Variants in SPIRE2 observed in about 807,000 individuals in gnomAD.
SPIRE2 encodes spire type actin nucleation factor 2, also known as protein spire homolog 2.
A neutral mutation model predicts 80.7 loss-of-function variants in SPIRE2; 76 were observed. The observed-to-expected ratio is 0.94, with a 90% CI of 0.78 to 1.14. The LOEUF (loss-of-function observed/expected upper bound fraction) is 1.14. Ranked by LOEUF, SPIRE2 falls within the 50% of genes most tolerant of loss-of-function variation. The pLI is 0.00. For missense variants in SPIRE2, 1,196 were observed against 1,015.3 expected, an observed-to-expected ratio of 1.18 and a Z score of -2.42; for synonymous variants, 535 against 432.6, an observed-to-expected ratio of 1.24 and a Z score of -2.94.
intron 12 of SPIRE2, 134 bp from the exon 13 acceptor site, chr16:89,868,055 C>A: frequency 1.1e-6 from 1 of 951,814 alleles, no homozygotes; most frequent in Non-Finnish European, 1.7e-6. Flanking sequence ...AAATAAAGTA[C>A]TGAAGTAACC....
At chr16:89,858,656 G>A (rs35867359) in intron 8 of SPIRE2, 149 bp downstream of exon 8, 2 of 766,558 alleles carry the variant, frequency 2.6e-6, no homozygotes, top group Non-Finnish European at 3.9e-6. Flanking sequence ...TCCTGCCGTA[G>A]GAGGAGGCCT....
At chr16:89,832,774 C>G (rs1238701908) in intron 1 of SPIRE2, among the ~76,000 whole-genome samples, 2 of 152,134 alleles carry the variant, frequency 1.3e-5, no homozygotes, top group Non-Finnish European at 2.9e-5. Flanking sequence ...CTGAGCAGTG[C>G]CCTTCCATGC....
At chr16:89,868,242 G>C in intron 13 of SPIRE2, 26 bp downstream of exon 13, 1 of 1,613,720 alleles carries the variant, frequency 6.2e-7, no homozygotes, top group South Asian at 1.1e-5. Flanking sequence ...GATCTCTGGG[G>C]TCTGAGCAAG....
intron 5 of SPIRE2, 45 bp from the exon 6 acceptor site, chr16:89,855,555 G>C (rs961565961): frequency 5.7e-6 from 9 of 1,571,736 alleles, no homozygotes; most frequent in Non-Finnish European, 7.0e-6. Flanking sequence ...CCCTGCACTA[G>C]TGGATGGTCC....
At chr16:89,848,703 A>G (rs111307940) in intron 2 of SPIRE2, among the ~76,000 whole-genome samples, 21 of 125,174 alleles carry the variant, frequency 1.7e-4, no homozygotes, top group Non-Finnish European at 1.8e-4. Context: ...GGCCTTCTGC[A>G]GTGTTTCTAC....
chr16:89,850,752 G>A (rs1385556251), intron 3 of SPIRE2, 92 bp downstream of exon 3: 2 of 970,536 alleles, frequency 2.1e-6, no homozygotes, highest in Non-Finnish European at 2.9e-6. Context: ...GTCTCTTCGT[G>A]GACAGAAAGT....
intron 1 of SPIRE2, 130 bp from the exon 2 acceptor site, chr16:89,845,192 T>G: frequency 2.0e-5 from 17 of 840,270 alleles, no homozygotes; most frequent in Non-Finnish European, 3.2e-5. Flanking sequence ...GGGCCTGCTG[T>G]GAGCTTTCTG....
intron 6 of SPIRE2, 84 bp from the exon 7 acceptor site, chr16:89,856,029 A>G (rs1462410778): frequency 5.2e-5 from 81 of 1,557,938 alleles, no homozygotes; most frequent in East Asian, 4.9e-4. Context: ...CTTCCCCACC[A>G]CAGGTCCCGC....
At chr16:89,845,708 G>T in intron 2 of SPIRE2, 1 of 649,056 alleles carries the variant, frequency 1.5e-6, no homozygotes, top group Non-Finnish European at 2.8e-6. Context: ...GACTTCAGGT[G>T]CAAACAGGAA....
At chr16:89,829,829 C>A (rs1404533609) in intron 1 of SPIRE2, among the ~76,000 whole-genome samples, 1 of 151,464 alleles carries the variant, frequency 6.6e-6, no homozygotes, top group Non-Finnish European at 1.5e-5. Context: ...CAGGCTTGCG[C>A]TGGCACTCAG....
intron 2 of SPIRE2, among the ~76,000 whole-genome samples, chr16:89,848,695 C>A (rs967909131): frequency 2.0e-5 from 3 of 148,688 alleles, no homozygotes; most frequent in African/African-American, 7.5e-5. Flanking sequence ...GGTTCCAGGG[C>A]CTTCTGCAGT....
Position 89,864,608 on chromosome 16 carries a change from TCGGTTTCCAC to T in SPIRE2, c.1778+751_1778+760del, listed in dbSNP as rs1279536612. Among the ~76,000 whole-genome samples the T allele has an allele frequency of 3.9e-5, 6 of 152,196 alleles. No individual in the cohort carries two copies. The South Asian group carries it at 1.2e-3, about 31-fold the overall frequency. On this transcript the variant is annotated intron_variant, in intron 12 of 14. Transcript: ENST00000378247. ...TGCTCAGGGGCAGGAATGAGTAACA[TCGGTTTCCAC>T]CGGCCACAGGCAGAAATGTCATAAT...
chr16:89,850,210 T>G (rs780153284), intron 2 of SPIRE2, 94 bp from the exon 3 acceptor site: 2 of 1,017,622 alleles, frequency 2.0e-6, no homozygotes, highest in African/African-American at 3.2e-5. Context: ...GCTGTCTCCC[T>G]GGCCGGGTGC....
chr16:89,835,894 G>A (rs899983795), intron 1 of SPIRE2, among the ~76,000 whole-genome samples: 1 of 152,156 alleles, frequency 6.6e-6, no homozygotes, highest in Non-Finnish European at 1.5e-5. Context: ...GAGTGTATGG[G>A]CCAGGTGTGG....
chr16:89,853,888 A>T (rs907103292), intron 3 of SPIRE2, among the ~76,000 whole-genome samples: 4 of 152,180 alleles, frequency 2.6e-5, no homozygotes, highest in African/African-American at 9.7e-5. Context: ...CCACCTGTCC[A>T]CCACGTATCC....
At position 89,854,770 on chromosome 16, in the gene SPIRE2, G is replaced by T. The variant is rs1013063572; in HGVS notation, c.891+119G>T. 6 of 1,108,022 alleles carry T rather than the reference G, an allele frequency of 5.4e-6. No individual in the cohort carries two copies. In the Admixed American group the frequency reaches 1.3e-4, roughly 24 times the overall value. 68.6% of individuals were successfully genotyped at this position (1,108,022 alleles called of 1,614,324 possible). Reference sequence around the variant, plus strand: ...CCCCAGAGAGCGGCCCAGGGTCCCTGCTCTCTGTGCTGGGTACTGGGTCAT... The same window carrying T: ...CCCCAGAGAGCGGCCCAGGGTCCCTTCTCTCTGTGCTGGGTACTGGGTCAT... On this transcript the variant is annotated intron_variant, in intron 5 of 14. Transcript: ENST00000378247.
chr16:89,861,011 C>T (rs531868988), intron 10 of SPIRE2, among the ~76,000 whole-genome samples: 28 of 152,222 alleles, frequency 1.8e-4, no homozygotes, highest in Middle Eastern at 3.4e-3. Context: ...TGGGGCCGAA[C>T]CGCACTGCAC....
At chr16:89,837,799 G>T (rs562916798) in intron 1 of SPIRE2, among the ~76,000 whole-genome samples, 1 of 152,296 alleles carries the variant, frequency 6.6e-6, no homozygotes, top group East Asian at 1.9e-4. Context: ...TTTATGGAAC[G>T]AGTGGGTTGG....
chr16:89,867,701 C>G (rs1274058173), intron 12 of SPIRE2, among the ~76,000 whole-genome samples: 2 of 151,856 alleles, frequency 1.3e-5, no homozygotes, highest in Non-Finnish European at 2.9e-5. Flanking sequence ...TCTCCTATCT[C>G]AGCCCCCCAA....
Sources: gnomAD v4.1 joint callset for allele counts (sites outside exome capture counted in the v4.1 genomes callset) on GRCh38, gnomAD v4.1.1 for gene constraint, MANE v1.5 for transcripts, NCBI Gene and HGNC (gene_info 2026-07-23, HGNC 2026-07-21) for gene names.